Variants in MGAT4C observed in about 807,000 individuals in gnomAD.
MGAT4C encodes the protein alpha-1,3-mannosyl-glycoprotein 4-beta-N-acetylglucosaminyltransferase C.
A neutral mutation model predicts 40.1 loss-of-function variants in MGAT4C; 19 were observed. That is an observed-to-expected ratio of 0.47 (90% CI 0.33 to 0.70). The LOEUF (loss-of-function observed/expected upper bound fraction) is 0.70, where lower values mean the gene tolerates loss of function less well. Ranked by LOEUF, MGAT4C falls within the 30% of genes least tolerant of loss-of-function variation. The pLI is 0.02. For synonymous variants in MGAT4C, 181 were observed against 187.1 expected (o/e 0.97, Z 0.27); for missense variants, 491 against 563.2 (o/e 0.87, Z 1.30).
At chr12:86,021,403 C>A (rs1295609410) in intron 2 of MGAT4C, among the ~76,000 whole-genome samples, 6 of 151,830 alleles carry the variant, frequency 4.0e-5, no homozygotes, top group Admixed American at 1.3e-4. Flanking sequence ...GAATACTATG[C>A]AGCCATAAAA....
In MGAT4C at chr12:86,374,443, T is replaced by C. The variant is rs566431465; in HGVS notation, c.-119-40316A>G. Among the ~76,000 whole-genome samples the C allele has an allele frequency of 1.1e-4, 17 of 152,210 alleles. No individual in the cohort carries two copies. The East Asian group carries it at 2.1e-3, about 19-fold the overall frequency. On this transcript the variant is annotated intron_variant, in intron 3 of 7. Transcript: ENST00000548651. Reference sequence around the variant, plus strand: ...TATGCTACAAAGACAACAGAGACTTTGCAATCACTGAAGAAACTATTATAT... The same window carrying C: ...TATGCTACAAAGACAACAGAGACTTCGCAATCACTGAAGAAACTATTATAT...
intron 2 of MGAT4C, among the ~76,000 whole-genome samples, chr12:86,472,757 T>A (rs887330397): frequency 6.6e-6 from 1 of 152,126 alleles, no homozygotes; most frequent in African/African-American, 2.4e-5. Flanking sequence ...GTCTTAGTAG[T>A]CTTATAAAAT....
intron 1 of MGAT4C, among the ~76,000 whole-genome samples, chr12:86,752,192 T>C (rs1434518157): frequency 1.3e-5 from 2 of 152,080 alleles, no homozygotes; most frequent in East Asian, 3.9e-4. Flanking sequence ...ACTTATAATT[T>C]GTCTCTGTGA....
At chr12:86,087,849 C>T (rs10863164) in intron 1 of MGAT4C, among the ~76,000 whole-genome samples, 121,801 of 151,874 alleles carry the variant, frequency 0.8, 49,556 homozygotes, top group East Asian at 0.97. Flanking sequence ...AAACTAACAA[C>T]GATACTCTTC....
intron 2 of MGAT4C, among the ~76,000 whole-genome samples, chr12:86,726,903 A>G (rs942214085): frequency 2.0e-5 from 3 of 152,168 alleles, no homozygotes; most frequent in Non-Finnish European, 4.4e-5. Flanking sequence ...CATACCTAAG[A>G]GTCTGCAGAG....
rs1447022486 is a variant in MGAT4C at position 85,971,253 on chromosome 12, A to T, written c.*8036T>A. 1 of 151,340 alleles carries T rather than the reference A, an allele frequency of 6.6e-6. No individual in the cohort carries two copies. The highest frequency in any genetic ancestry group is 1.5e-5 in the Non-Finnish European group (1 of 67,434). The allele number at this position is 151,340 out of a possible 1,614,324, so 9.4% of individuals were successfully genotyped here. On this transcript the variant is annotated 3_prime_UTR_variant, in exon 5 of 5. Coordinates refer to ENST00000611864, the MANE Select transcript of MGAT4C (RefSeq NM_001351288.2). ...CTAATTTTAGTAGTGCATCAGATCA[A>T]CACTATTGGGCACCCAGTTATTTGG...
intron 2 of MGAT4C, among the ~76,000 whole-genome samples, chr12:86,551,160 A>G (rs905770388): frequency 3.3e-5 from 5 of 152,230 alleles, no homozygotes; most frequent in African/African-American, 1.2e-4. Flanking sequence ...GCATGCCCCC[A>G]GGCCAGCCAA....
At chr12:86,296,547 G>A (rs1276229403) in intron 4 of MGAT4C, among the ~76,000 whole-genome samples, 3 of 152,208 alleles carry the variant, frequency 2.0e-5, no homozygotes, top group Admixed American at 6.5e-5. Flanking sequence ...AGGCCTGCCC[G>A]GTGGGAAGGC....
At chr12:86,596,318 A>G (rs377226329) in intron 2 of MGAT4C, among the ~76,000 whole-genome samples, 3 of 152,184 alleles carry the variant, frequency 2.0e-5, no homozygotes, top group Admixed American at 6.5e-5. Flanking sequence ...CAGACCCAGA[A>G]AAAGGTGACA....
chr12:86,412,210 G>A (rs779992910), intron 3 of MGAT4C, among the ~76,000 whole-genome samples: 3 of 152,182 alleles, frequency 2.0e-5, no homozygotes, highest in Non-Finnish European at 4.4e-5. Context: ...TTCCCCACTG[G>A]GGCACTTCCT....
chr12:86,501,197 T>C (rs953668594), intron 2 of MGAT4C, among the ~76,000 whole-genome samples: 16 of 151,968 alleles, frequency 1.1e-4, no homozygotes, highest in African/African-American at 3.6e-4. Flanking sequence ...TCTGAGTTGA[T>C]AGTATGGGAA....
chr12:86,340,671 TA>T (rs138210670), intron 3 of MGAT4C, among the ~76,000 whole-genome samples: 9 of 152,160 alleles, frequency 5.9e-5, no homozygotes, highest in Non-Finnish European at 1.2e-4. Flanking sequence ...GAATCCAACA[TA>T]AAAGGATATC....
chr12:86,305,520 A>T (rs545798470), intron 4 of MGAT4C, among the ~76,000 whole-genome samples: 1 of 150,164 alleles, frequency 6.7e-6, no homozygotes, highest in East Asian at 2.0e-4. Flanking sequence ...TTTTTAACAA[A>T]TTTTTTCAAT....
At chr12:86,583,672 T>A (rs1160654897) in intron 2 of MGAT4C, among the ~76,000 whole-genome samples, 1 of 151,258 alleles carries the variant, frequency 6.6e-6, no homozygotes, top group East Asian at 1.9e-4. Context: ...ACAGCTTATT[T>A]AAGCAGTCTT....
At chr12:86,705,544 A>G (rs1950441697) in intron 2 of MGAT4C, among the ~76,000 whole-genome samples, 1 of 152,144 alleles carries the variant, frequency 6.6e-6, no homozygotes, top group African/African-American at 2.4e-5. Flanking sequence ...TAAAGAAAAT[A>G]TTATGAAAAG....
At chr12:86,130,782 G>C (rs1338364870) in intron 1 of MGAT4C, among the ~76,000 whole-genome samples, 11 of 151,652 alleles carry the variant, frequency 7.3e-5, no homozygotes, top group Admixed American at 7.2e-4. Flanking sequence ...CAGTAAACCT[G>C]GTCAAAATAT....
chr12:86,632,686 T>G (rs1397469532), intron 2 of MGAT4C, among the ~76,000 whole-genome samples: 1 of 148,540 alleles, frequency 6.7e-6, no homozygotes, highest in Non-Finnish European at 1.5e-5. Flanking sequence ...AGTTTCTCGC[T>G]CATAGGTGGG....
At chr12:86,499,251 G>T (rs1376387186) in intron 2 of MGAT4C, among the ~76,000 whole-genome samples, 4 of 151,336 alleles carry the variant, frequency 2.6e-5, no homozygotes, top group African/African-American at 7.3e-5. Flanking sequence ...GATGTTAAAG[G>T]CTCAACTATA....
intron 1 of MGAT4C, among the ~76,000 whole-genome samples, chr12:86,243,859 T>C (rs1951902020): frequency 6.6e-6 from 1 of 152,176 alleles, no homozygotes. Context: ...AACTGCAAGA[T>C]AATAAATGTC....
Sources: gnomAD v4.1 joint callset for allele counts (sites outside exome capture counted in the v4.1 genomes callset) on GRCh38, gnomAD v4.1.1 for gene constraint, MANE v1.5 for transcripts, NCBI Gene and HGNC (gene_info 2026-07-23, HGNC 2026-07-21) for gene names.